The following M1AP variants were observed in gnomAD, a reference collection of about 807,000 sequenced individuals.
M1AP encodes meiosis 1 arrest protein.
A neutral mutation model predicts 51.2 loss-of-function variants in M1AP; 39 were observed. The observed-to-expected ratio is 0.76, with a 90% CI of 0.59 to 1.00. M1AP has a LOEUF of 1.00. Ranked by LOEUF, M1AP falls within the 50% of genes least tolerant of loss-of-function variation. The pLI, the probability that M1AP is intolerant of heterozygous loss-of-function variation, is 0.00. For synonymous variants in M1AP, 251 were observed against 249.2 expected, an observed-to-expected ratio of 1.01 and a Z score of -0.07; for missense variants, 545 against 641.2, an observed-to-expected ratio of 0.85 and a Z score of 1.62.
chr2:74,591,811 A>G (rs1680054201), intron 4 of M1AP, among the ~76,000 whole-genome samples: 1 of 152,062 alleles, frequency 6.6e-6, no homozygotes, highest in African/African-American at 2.4e-5. Context: ...TTTGAGACAG[A>G]GTCTCACTCT....
At chr2:74,628,930 C>T in intron 2 of M1AP, 1 of 362,234 alleles carries the variant, frequency 2.8e-6, no homozygotes, top group South Asian at 2.8e-5. Flanking sequence ...TCATTACTAT[C>T]CTGCTGCTTC....
intron 1 of M1AP, among the ~76,000 whole-genome samples, chr2:74,646,638 GCT>G (rs1311254257): frequency 6.6e-6 from 1 of 152,112 alleles, no homozygotes; most frequent in Non-Finnish European, 1.5e-5. Context: ...AAAAATGTTT[GCT>G]CTCTCATAAG....
chr2:74,608,556 G>A (rs967215693), intron 3 of M1AP, among the ~76,000 whole-genome samples: 2 of 152,192 alleles, frequency 1.3e-5, no homozygotes, highest in African/African-American at 2.4e-5. Flanking sequence ...ACCCAAGTGC[G>A]GATTTTTGTG....
intron 2 of M1AP, chr2:74,620,764 A>G (rs1415398086): frequency 1.4e-5 from 3 of 210,886 alleles, no homozygotes; most frequent in African/African-American, 6.9e-5. Flanking sequence ...AGGCCTTTTG[A>G]GTGAAGACGT....
chr2:74,571,889 G>A (rs371055300), intron 7 of M1AP, among the ~76,000 whole-genome samples: 26 of 152,068 alleles, frequency 1.7e-4, no homozygotes, highest in South Asian at 8.3e-4. Flanking sequence ...CCAGCTACTC[G>A]GGAGGCTGAG....
At position 74,573,694 on chromosome 2, in the gene M1AP, G is replaced by T. The variant is rs186359529; in HGVS notation, c.1074+1744C>A. ...TTCCCCTACTTAGGACATTTGAGTT[G>T]TTTCTAATTTTTCACCACTGTAAAT... On this transcript the variant is annotated intron_variant, in intron 7 of 10. Coordinates refer to ENST00000421985, the MANE Select transcript of M1AP (RefSeq NM_001321739.2). Among the ~76,000 whole-genome samples the T allele has an allele frequency of 2.2e-3, 337 of 152,098 alleles. 2 individuals are homozygous for T. Among genetic ancestry groups the T allele is most frequent in the Middle Eastern group, 6.8e-3 (2 of 294 alleles).
chr2:74,576,673 G>A, intron 5 of M1AP, 55 bp from the exon 6 acceptor site: 1 of 1,582,012 alleles, frequency 6.3e-7, no homozygotes, highest in Non-Finnish European at 8.7e-7. Context: ...GAAGGATTGT[G>A]GGTAATAAGT....
At chr2:74,560,368 G>C (rs1677835991) in intron 8 of M1AP, 77 bp from the exon 9 acceptor site, 1 of 1,445,842 alleles carries the variant, frequency 6.9e-7, no homozygotes, top group African/African-American at 1.4e-5. Context: ...CGATCCAGGA[G>C]TGTGAGGGGC....
At chr2:74,585,978 C>G (rs1299950319) in intron 4 of M1AP, among the ~76,000 whole-genome samples, 1 of 152,192 alleles carries the variant, frequency 6.6e-6, no homozygotes, top group Non-Finnish European at 1.5e-5. Flanking sequence ...TGTTGTCACT[C>G]ACTCATCCTG....
Position 74,629,194 on chromosome 2 carries a change from G to A in M1AP, c.240+10842C>T, listed in dbSNP as rs377719738. The stretch of plus-strand genomic sequence containing the variant: ...GATCATAAGATGTTGCTTCTCCTTA[G>A]ATAGGTTAACATAGTAAATTATATT... On this transcript the variant is annotated intron_variant, in intron 2 of 10. Coordinates refer to ENST00000421985, the MANE Select transcript of M1AP (RefSeq NM_001321739.2). Among the ~76,000 whole-genome samples the A allele has an allele frequency of 4.0e-4, 61 of 152,278 alleles. 1 individual carries two copies. The highest frequency in any genetic ancestry group is 1.4e-3 in the African/African-American group (60 of 41,556).
intron 4 of M1AP, among the ~76,000 whole-genome samples, chr2:74,586,605 A>G (rs1573099701): frequency 6.6e-6 from 1 of 152,210 alleles, no homozygotes; most frequent in Non-Finnish European, 1.5e-5. Context: ...TTTGGGCAAT[A>G]TTAATCGCAC....
intron 4 of M1AP, among the ~76,000 whole-genome samples, chr2:74,583,617 CTG>C (rs1230763948): frequency 6.6e-6 from 1 of 152,168 alleles, no homozygotes; most frequent in Admixed American, 6.6e-5. Context: ...GGAGGGATCT[CTG>C]AAATACTTTT....
intron 5 of M1AP, chr2:74,577,011 G>T: frequency 3.3e-6 from 2 of 598,524 alleles, no homozygotes; most frequent in Non-Finnish European, 4.3e-6. Flanking sequence ...AGGCCCTTTG[G>T]CAATCACAGA....
chr2:74,647,886 C>T, intron 1 of M1AP: 1 of 411,344 alleles, frequency 2.4e-6, no homozygotes, highest in Non-Finnish European at 3.3e-6. Context: ...AAGGGTGAAA[C>T]TCCGTCTCAA....
intron 2 of M1AP, among the ~76,000 whole-genome samples, chr2:74,632,843 A>T (rs1350285047): frequency 6.6e-6 from 1 of 152,050 alleles, no homozygotes; most frequent in Non-Finnish European, 1.5e-5. Flanking sequence ...TTTCTAGTGG[A>T]GTGATTAAAA....
At chr2:74,578,519 C>G (rs180950646) in intron 5 of M1AP, among the ~76,000 whole-genome samples, 67 of 152,220 alleles carry the variant, frequency 4.4e-4, no homozygotes, top group South Asian at 1.0e-3. Flanking sequence ...AAGAAATACC[C>G]AAACTGTGGT....
At chr2:74,639,180 CA>C (rs1234126357) in intron 2 of M1AP, among the ~76,000 whole-genome samples, 3 of 152,124 alleles carry the variant, frequency 2.0e-5, no homozygotes, top group Non-Finnish European at 4.4e-5. Context: ...ATAGTATCAA[CA>C]GAGATGTTAT....
chr2:74,621,249 T>C (rs1277741142), intron 2 of M1AP, among the ~76,000 whole-genome samples: 1 of 151,306 alleles, frequency 6.6e-6, no homozygotes, highest in East Asian at 2.0e-4. Context: ...GCCACTGCAC[T>C]CCAGCCTGGG....
At chr2:74,646,116 T>C (rs1683598895) in intron 1 of M1AP, among the ~76,000 whole-genome samples, 1 of 152,252 alleles carries the variant, frequency 6.6e-6, no homozygotes, top group South Asian at 2.1e-4. Flanking sequence ...TAATTAATTA[T>C]ATCACTTCTT....
Sources: gnomAD v4.1 joint callset for allele counts (sites outside exome capture counted in the v4.1 genomes callset) on GRCh38, gnomAD v4.1.1 for gene constraint, MANE v1.5 for transcripts, NCBI Gene and HGNC (gene_info 2026-07-23, HGNC 2026-07-21) for gene names.